HYCC1: variants seen among roughly 807,000 people sequenced by gnomAD.
The protein encoded by HYCC1 is hyccin PI4KA lipid kinase complex subunit 1.
chr7:22,897,475 T>C, the HYCC1 span, among the ~76,000 whole-genome samples: 2 of 152,204 alleles, frequency 1.3e-5, no homozygotes, highest in African/African-American at 2.4e-5. Context: ...ATGATGACTG[T>C]GGCAAGGGAT....
the HYCC1 span, among the ~76,000 whole-genome samples, chr7:22,903,659 G>A: frequency 6.6e-6 from 1 of 152,172 alleles, no homozygotes; most frequent in African/African-American, 2.4e-5. Flanking sequence ...CTGATCTCAT[G>A]TAAAATTTTC....
chr7:22,991,983 G>C, the HYCC1 span, among the ~76,000 whole-genome samples: 94 of 152,126 alleles, frequency 6.2e-4, 2 homozygotes, highest in Non-Finnish European at 2.8e-4. Flanking sequence ...ACTTGGGTAA[G>C]ATATATTTGC....
At chr7:22,947,141 G>T in the HYCC1 span, 1 of 1,550,302 alleles carries the variant, frequency 6.5e-7, no homozygotes, top group East Asian at 2.4e-5. Flanking sequence ...CTAGTGTTCT[G>T]CCTTTTTCCC....
chr7:22,925,895 T>A, the HYCC1 span, among the ~76,000 whole-genome samples: 5 of 152,030 alleles, frequency 3.3e-5, no homozygotes, highest in South Asian at 2.1e-4. Context: ...TTCACCAAAG[T>A]TGAAATGAAG....
At chr7:23,010,873 T>A in the HYCC1 span, among the ~76,000 whole-genome samples, 1 of 152,174 alleles carries the variant, frequency 6.6e-6, no homozygotes, top group South Asian at 2.1e-4. Flanking sequence ...CCTTCTTTAT[T>A]TCAGTTCTCT....
At chr7:22,956,963 T>C in the HYCC1 span, among the ~76,000 whole-genome samples, 2 of 151,936 alleles carry the variant, frequency 1.3e-5, no homozygotes, top group Non-Finnish European at 2.9e-5. Flanking sequence ...CATTAAAATA[T>C]GTTGTGAATA....
At chr7:22,929,179 C>CA in the HYCC1 span, among the ~76,000 whole-genome samples, 1 of 152,174 alleles carries the variant, frequency 6.6e-6, no homozygotes, top group East Asian at 1.9e-4. Context: ...ACACCTTATA[C>CA]AAAAATTAAT....
the HYCC1 span, among the ~76,000 whole-genome samples, chr7:22,987,671 G>C: frequency 1.3e-5 from 2 of 152,132 alleles, no homozygotes; most frequent in Non-Finnish European, 2.9e-5. Context: ...GGTGAGGTTA[G>C]GAGTTCAGAC....
the HYCC1 span, among the ~76,000 whole-genome samples, chr7:23,000,220 T>A: frequency 6.6e-6 from 1 of 152,140 alleles, no homozygotes; most frequent in Non-Finnish European, 1.5e-5. Flanking sequence ...TTTATATTAT[T>A]TCAAACTTTT....
the HYCC1 span, among the ~76,000 whole-genome samples, chr7:22,972,290 G>T: frequency 2.6e-5 from 4 of 152,152 alleles, no homozygotes; most frequent in Admixed American, 2.0e-4. Flanking sequence ...AAAACAATCT[G>T]TTCAGGTGGT....
the HYCC1 span, among the ~76,000 whole-genome samples, chr7:23,007,131 A>G: frequency 6.6e-6 from 1 of 152,200 alleles, no homozygotes; most frequent in Admixed American, 6.5e-5. Flanking sequence ...TCAACACAGA[A>G]CAGAACAGTG....
the HYCC1 span, chr7:22,941,512 A>C: frequency 2.0e-5 from 3 of 152,172 alleles, no homozygotes; most frequent in African/African-American, 7.2e-5. Context: ...CTAAATGATT[A>C]GAAATAAAGG....
At chr7:22,978,383 T>C in the HYCC1 span, 2 of 1,613,986 alleles carry the variant, frequency 1.2e-6, no homozygotes, top group South Asian at 2.2e-5. Context: ...GCAGCGTAAA[T>C]TGAAGCAACT....
the HYCC1 span, among the ~76,000 whole-genome samples, chr7:22,923,743 T>G: frequency 6.6e-6 from 1 of 151,892 alleles, no homozygotes; most frequent in Non-Finnish European, 1.5e-5. Context: ...TAAAGGAAAT[T>G]TAGGAATCAA....
the HYCC1 span, among the ~76,000 whole-genome samples, chr7:22,932,095 T>C: frequency 6.6e-6 from 1 of 152,150 alleles, no homozygotes; most frequent in African/African-American, 2.4e-5. Context: ...GTTGATGAGA[T>C]ATGCGACTTA....
the HYCC1 span, chr7:22,983,930 A>T: frequency 6.9e-7 from 1 of 1,446,996 alleles, no homozygotes; most frequent in Non-Finnish European, 9.7e-7. Context: ...ACAATAAACC[A>T]TAAAAGTACT....
the HYCC1 span, among the ~76,000 whole-genome samples, chr7:22,914,996 C>T: frequency 2.3e-4 from 35 of 152,260 alleles, no homozygotes; most frequent in Middle Eastern, 3.4e-3. Context: ...TTTCTTTATC[C>T]GACCTCTCCC....
the HYCC1 span, among the ~76,000 whole-genome samples, chr7:22,955,390 A>G: frequency 6.6e-6 from 1 of 151,642 alleles, no homozygotes; most frequent in South Asian, 2.1e-4. Flanking sequence ...AAATGTTTTC[A>G]CTTACTTGTC....
chr7:22,905,315 C>T, the HYCC1 span, among the ~76,000 whole-genome samples: 2 of 151,826 alleles, frequency 1.3e-5, no homozygotes, highest in African/African-American at 2.4e-5. Flanking sequence ...AGCGATTCTC[C>T]TGTCTCAGCC....
Sources: allele counts gnomAD v4.1 joint callset (sites outside exome capture counted in the v4.1 genomes callset), GRCh38; gene constraint gnomAD v4.1.1; transcripts MANE v1.5; gene names NCBI Gene and HGNC (gene_info 2026-07-23, HGNC 2026-07-21).